ZNF540: variants seen among roughly 807,000 people sequenced by gnomAD.
ZNF540 encodes the protein CTD-3064H18.6.
Under a neutral mutation model 11.8 loss-of-function variants are expected in ZNF540, and 3 were observed. The observed-to-expected ratio is 0.25, with a 90% CI of 0.12 to 0.65. The LOEUF (loss-of-function observed/expected upper bound fraction) is 0.65. ZNF540 is among the 30% of genes least tolerant of loss of function. The probability of loss-of-function intolerance (pLI) is 0.83; values close to 1 mark genes in which losing one functional copy is unlikely to be tolerated. For missense variants in ZNF540, 709 were observed against 793.1 expected, an observed-to-expected ratio of 0.89 and a Z score of 1.27; for synonymous variants, 247 against 259.0, an observed-to-expected ratio of 0.95 and a Z score of 0.45.
chr19:37,577,987 C>T (rs920909697), intron 1 of ZNF540, among the ~76,000 whole-genome samples: 1 of 152,182 alleles, frequency 6.6e-6, no homozygotes, highest in African/African-American at 2.4e-5. Context: ...AGCTCCGCCT[C>T]CGGTCAGATC....
upstream of ZNF540, among the ~76,000 whole-genome samples, chr19:37,591,823 C>T (rs559103312): frequency 8.6e-5 from 13 of 152,044 alleles, no homozygotes; most frequent in African/African-American, 1.2e-4. Context: ...GGATTACAGG[C>T]GTGAGCCACC....
intron 1 of ZNF540, among the ~76,000 whole-genome samples, chr19:37,558,794 G>A (rs1265711890): frequency 6.6e-5 from 10 of 152,000 alleles, no homozygotes; most frequent in Non-Finnish European, 1.5e-5. Flanking sequence ...GAAAGTTTGT[G>A]TGACTATTGC....
At chr19:37,595,204 GTGTGTGTGTGCGTGTGTGTGTGGGTC>G (rs1421505826) in intron 1 of ZNF540, 109 bp downstream of exon 1, 3 of 152,394 alleles carry the variant, frequency 2.0e-5, no homozygotes, top group African/African-American at 7.2e-5. Flanking sequence ...GCGGCCATGT[GTGTGTGTGTGCGTGTGTGTGTGGGTC>G]TGTGCGCGCG....
At chr19:37,587,067 G>C in intron 1 of ZNF540, 1 of 192,460 alleles carries the variant, frequency 5.2e-6, no homozygotes, top group Non-Finnish European at 1.0e-5. Flanking sequence ...CTTAGGAAGG[G>C]GCTTCAGAGA....
chr19:37,563,157 A>C (rs2042737544), intron 1 of ZNF540: 1 of 151,610 alleles, frequency 6.6e-6, no homozygotes, highest in Non-Finnish European at 1.5e-5. Flanking sequence ...GTGAGACCCC[A>C]TCTCTAAAAA....
At position 37,613,664 on chromosome 19, in the gene ZNF540, T is replaced by G; in HGVS notation, c.*401T>G. The G allele has an allele frequency of 2.5e-6, 1 of 397,196 alleles. No homozygotes were observed. Among genetic ancestry groups the G allele is most frequent in the Non-Finnish European group, 4.4e-6 (1 of 225,796 alleles). The allele number at this position is 397,196 out of a possible 1,614,324, so 24.6% of individuals were successfully genotyped here. A position where few individuals can be genotyped will look rare whatever the true frequency, so the allele number is the denominator to read the frequency against. On this transcript the variant is annotated 3_prime_UTR_variant, in exon 5 of 5. Coordinates refer to ENST00000316433, the MANE Select transcript of ZNF540 (RefSeq NM_001172225.3). ...TGGATTAATATTGGATATTACTGTT[T>G]TTATTATCATCAACATTATTATTAG... is the stretch of plus-strand genomic sequence containing the variant.
intron 4 of ZNF540, 27 bp downstream of exon 4, chr19:37,601,132 G>A (rs374052370): frequency 2.9e-5 from 45 of 1,548,218 alleles, no homozygotes; most frequent in Non-Finnish European, 3.8e-5. Context: ...TCAGGCAGAT[G>A]GAAGCCCTCA....
chr19:37,608,968 CTTAT>C (rs755764973), intron 4 of ZNF540, among the ~76,000 whole-genome samples: 2 of 152,040 alleles, frequency 1.3e-5, no homozygotes, highest in Non-Finnish European at 2.9e-5. Flanking sequence ...AGGCTCTTTT[CTTAT>C]TTAGATTGCC....
At position 37,601,053 on chromosome 19, in the gene ZNF540, AG is replaced by A; in HGVS notation, c.183del (p.Glu63SerfsTer9). The A allele has an allele frequency of 6.3e-7, 1 of 1,592,968 alleles. No homozygotes were observed. Among genetic ancestry groups the A allele is most frequent in the Non-Finnish European group, 8.5e-7 (1 of 1,169,728 alleles). On this transcript the variant is annotated frameshift_variant, in exon 4 of 5. Transcript: ENST00000316433. LOFTEE classifies it high-confidence loss of function. ...CAGATGTGATTACCTTACTGGAGCA[AG>A]GGAAAGAGCCCTGCGTGGTGGCGAG... Reference protein sequence around the residue: ...KPDVITLLEQGKEPCVVARDV... With the variant: ...KPDVITLLEQXKEPCVVARDV...
intron 1 of ZNF540, among the ~76,000 whole-genome samples, chr19:37,580,715 C>T (rs1600510576): frequency 6.6e-6 from 1 of 152,134 alleles, no homozygotes; most frequent in Non-Finnish European, 1.5e-5. Flanking sequence ...AGCCTGTCAC[C>T]TTTCCCCTCT....
Position 37,613,103 on chromosome 19 carries a change from A to C in ZNF540, c.1823A>C (p.Glu608Ala), listed in dbSNP as rs142928585. Reference protein sequence around the residue: ...QRIHTGEKPYECKQCGKAFRL... With the variant: ...QRIHTGEKPYACKQCGKAFRL... ...ATTCATACTGGTGAGAAACCCTATG[A>C]GTGTAAACAATGTGGGAAGGCCTTT... The change falls in exon 5 of 5, where the codon GAG becomes GCG. Residue 608 changes from glutamate (E) to alanine (A), a missense_variant. Physicochemically the swap from Glu to Ala is moderately radical, Grantham distance 107. Coordinates refer to ENST00000316433, the MANE Select transcript of ZNF540 (RefSeq NM_001172225.3). 1.3e-4 allele frequency: 203 copies of C among 1,614,072 alleles called. 1 individual carries two copies. The East Asian group carries it at 3.0e-3, about 24-fold the overall frequency.
At chr19:37,584,118 C>A in intron 1 of ZNF540, 1 of 1,613,672 alleles carries the variant, frequency 6.2e-7, no homozygotes, top group Non-Finnish European at 8.5e-7. Flanking sequence ...AAATCCATTA[C>A]AGGATGATTC....
At chr19:37,606,524 G>A (rs1001814773) in intron 4 of ZNF540, among the ~76,000 whole-genome samples, 2 of 151,998 alleles carry the variant, frequency 1.3e-5, no homozygotes, top group African/African-American at 2.4e-5. Flanking sequence ...TACCTATATC[G>A]GTGTACCTTC....
At chr19:37,579,232 C>T (rs62108260) in intron 1 of ZNF540, among the ~76,000 whole-genome samples, 1 of 152,166 alleles carries the variant, frequency 6.6e-6, no homozygotes, top group South Asian at 2.1e-4. Context: ...TGGGCTAGCC[C>T]GACTGCAGTC....
chr19:37,607,525 A>G (rs1046965660), intron 4 of ZNF540, among the ~76,000 whole-genome samples: 2 of 152,192 alleles, frequency 1.3e-5, no homozygotes, highest in African/African-American at 4.8e-5. Flanking sequence ...TACTGTCTCC[A>G]TCGTTTTGCC....
Position 37,611,956 on chromosome 19 carries a change from C to A in ZNF540, c.676C>A (p.His226Asn). The change falls in exon 5 of 5, where the codon CAT becomes AAT. Residue 226 changes from histidine to asparagine, a missense_variant. Coordinates refer to ENST00000316433, the MANE Select transcript of ZNF540 (RefSeq NM_001172225.3). ...TGAGAAATGTGGGAAAGTTTTTAGT[C>A]ATAGCTATCAACTTACTCTGCATCA... is the stretch of plus-strand genomic sequence containing the variant. ...KCEKCGKVFSHSYQLTLHQRF... is the reference protein window; with the variant it reads ...KCEKCGKVFSNSYQLTLHQRF... 6.2e-7 allele frequency: 1 copy of A among 1,613,524 alleles called. No homozygotes were observed. Among genetic ancestry groups the A allele is most frequent in the South Asian group, 1.1e-5 (1 of 91,052 alleles).
intron 1 of ZNF540, chr19:37,586,311 G>C (rs2043672156): frequency 4.9e-6 from 1 of 202,280 alleles, no homozygotes; most frequent in Non-Finnish European, 9.8e-6. Flanking sequence ...TTGTAGAGAA[G>C]ATCAAATTTT....
intron 4 of ZNF540, among the ~76,000 whole-genome samples, chr19:37,605,803 A>C (rs1399512690): frequency 6.6e-6 from 1 of 152,128 alleles, no homozygotes; most frequent in Non-Finnish European, 1.5e-5. Context: ...TTGTGATTTT[A>C]ATTTGCATTT....
Position 37,569,245 on chromosome 19 carries a change from G to A in ZNF540, c.-73+17580G>A, listed in dbSNP as rs576926943. On this transcript the variant is annotated intron_variant, in intron 1 of 4. Transcript: ENST00000592533. The surrounding 1 kb of genome is among the most constrained non-coding windows in gnomAD (Gnocchi z 4.4). ...TAGGATTACAGGCATGAGTCACTGC[G>A]CCTGGCCCCAAAGCATCCGGAACCA... Among the ~76,000 whole-genome samples, 3 of 152,136 alleles carry A rather than the reference G, an allele frequency of 2.0e-5. No individual in the cohort carries two copies. The highest frequency in any genetic ancestry group is 2.1e-4 in the South Asian group (1 of 4,810).
Sources: allele counts gnomAD v4.1 joint callset (sites outside exome capture counted in the v4.1 genomes callset), GRCh38; gene constraint gnomAD v4.1.1; non-coding constraint Gnocchi (gnomAD v3.1); transcripts MANE v1.5; gene names NCBI Gene and HGNC (gene_info 2026-07-23, HGNC 2026-07-21).